Variants in ACTR8 observed in about 807,000 individuals in gnomAD.
ACTR8 encodes the protein actin related protein 8, also known as actin-related protein 8.
A neutral mutation model predicts 84.3 loss-of-function variants in ACTR8; 70 were observed. That is an observed-to-expected ratio of 0.83 (90% confidence interval 0.68 to 1.01). The LOEUF is 1.01. ACTR8 is among the 50% of genes least tolerant of loss of function. The pLI, the probability that ACTR8 is intolerant of heterozygous loss-of-function variation, is 0.00. For missense variants in ACTR8, 672 were observed against 775.4 expected (o/e 0.87, Z 1.58); for synonymous variants, 268 against 275.2 (o/e 0.97, Z 0.26).
rs775815203 is a variant in ACTR8 at position 53,870,179 on chromosome 3, T to G, written c.1568-34A>C. 2 of 1,601,818 alleles carry G rather than the reference T, an allele frequency of 1.2e-6. No homozygotes were observed. The highest frequency in any genetic ancestry group is 2.2e-5 in the South Asian group (2 of 90,462). On this transcript the variant is annotated intron_variant, in intron 11 of 12. Transcript: ENST00000335754. This position sits in a 1 kb window ranked among gnomAD's most constrained non-coding sequence, Gnocchi z 4.1. ...ACAGTTGACATCCTCCATGCTTTTT[T>G]CTCCACATCCATAATTCTAGGCCAA...
At position 53,874,289 on chromosome 3, in the gene ACTR8, G is replaced by A. The variant is rs957338260; in HGVS notation, c.987C>T (p.Tyr329=). The change falls in exon 8 of 13, where the codon TAC becomes TAT. Residue 329 remains tyrosine, a synonymous_variant. Transcript: ENST00000335754. The stretch of plus-strand genomic sequence containing the variant: ...TTTTATTTGTTAACTGGCATTCTCT[G>A]TAAGGGAACCCAGCTCGCTGCATTA... The part of the protein sequence containing the change: ...YWLMQRAGFP[Y]RECQLTNKMD... 7 of 1,614,196 alleles carry A rather than the reference G, an allele frequency of 4.3e-6. No homozygotes were observed. Among genetic ancestry groups the A allele is most frequent in the African/African-American group, 1.3e-5 (1 of 75,050 alleles).
At chr3:53,869,580 T>C (rs1475340793) in intron 12 of ACTR8, among the ~76,000 whole-genome samples, 1 of 152,206 alleles carries the variant, frequency 6.6e-6, no homozygotes, top group Non-Finnish European at 1.5e-5. Flanking sequence ...GGGTTTATCT[T>C]TCTTTTCAAG....
At chr3:53,859,183 A>G in the ACTR8 span, 1 of 164,996 alleles carries the variant, frequency 6.1e-6, no homozygotes. Flanking sequence ...TGATTCAATT[A>G]CCAGTCTCAG....
chr3:53,872,923 C>T (rs570008335), intron 9 of ACTR8, 109 bp downstream of exon 9: 17 of 866,276 alleles, frequency 2.0e-5, no homozygotes, highest in African/African-American at 1.8e-4. Context: ...AATCTACAAT[C>T]AGTTGACATT....
the ACTR8 span, chr3:53,860,382 A>AT: frequency 3.8e-6 from 2 of 528,622 alleles, no homozygotes; most frequent in South Asian, 3.1e-5. Flanking sequence ...ACAGAGACTG[A>AT]TACGAGCATG....
At chr3:53,874,902 G>GT (rs1699943413) in intron 7 of ACTR8, among the ~76,000 whole-genome samples, 1 of 152,176 alleles carries the variant, frequency 6.6e-6, no homozygotes, top group Admixed American at 6.5e-5. Flanking sequence ...TTTGCAAAAT[G>GT]TATCTGAGAA....
chr3:53,882,144 G>A lies in ACTR8; in HGVS notation c.-43C>T, dbSNP rs751252084. 16 of 1,545,784 alleles carry A rather than the reference G, an allele frequency of 1.0e-5. No homozygotes were observed. The South Asian group carries it at 1.4e-4, about 14-fold the overall frequency. ...ACCAACCTCTCGCCTCAGCGCTGCA[G>A]CCACGACTGCCGGGATGGAAGGGCC... On this transcript the variant is annotated 5_prime_UTR_variant, in exon 1 of 13. Transcript: ENST00000335754.
At chr3:53,871,658 A>G (rs973854690) in intron 10 of ACTR8, among the ~76,000 whole-genome samples, 162 bp from the exon 11 acceptor site, 2 of 152,230 alleles carry the variant, frequency 1.3e-5, no homozygotes, top group Non-Finnish European at 2.9e-5. Flanking sequence ...GGAATGAGAG[A>G]CGGTGCACAG....
At chr3:53,874,803 A>G (rs984622937) in intron 7 of ACTR8, among the ~76,000 whole-genome samples, 1 of 152,208 alleles carries the variant, frequency 6.6e-6, no homozygotes, top group African/African-American at 2.4e-5. Flanking sequence ...CAAGAAATGT[A>G]TGTTGAAAGG....
chr3:53,871,523 T>C (rs2107054493), intron 10 of ACTR8, 27 bp from the exon 11 acceptor site: 4 of 1,611,878 alleles, frequency 2.5e-6, no homozygotes, highest in Non-Finnish European at 3.4e-6. Context: ...CAATCAAGTA[T>C]GTGGTATTAC....
At chr3:53,868,964 T>C in intron 12 of ACTR8, 102 bp from the exon 13 acceptor site, 1 of 1,437,096 alleles carries the variant, frequency 7.0e-7, no homozygotes, top group Non-Finnish European at 9.4e-7. Flanking sequence ...AGTCAATACC[T>C]AGTAAGCCAG....
At chr3:53,875,248 G>A (rs1015718986) in intron 7 of ACTR8, among the ~76,000 whole-genome samples, 7 of 152,318 alleles carry the variant, frequency 4.6e-5, no homozygotes, top group African/African-American at 1.7e-4. Context: ...GGAGGCAGCA[G>A]ATGACCCTTT....
chr3:53,869,991 T>C lies in ACTR8; in HGVS notation c.1722A>G (p.Thr574=), dbSNP rs758761400. 8 of 1,614,064 alleles carry C rather than the reference T, an allele frequency of 5.0e-6. No individual in the cohort carries two copies. The highest frequency in any genetic ancestry group is 6.8e-6 in the Non-Finnish European group (8 of 1,180,022). ...CAATGAAACAACCTACCTTAGGCCT[T>C]GTGATCACATCCACATTTTCAATAA... is the stretch of plus-strand genomic sequence containing the variant. The part of the protein sequence containing the change: ...RRIIENVDVI[T]RPKDMDPRLI... Residue 574 remains threonine (T), a synonymous_variant, in exon 12 of 13, where the codon ACA becomes ACG. Coordinates refer to ENST00000335754, the MANE Select transcript of ACTR8 (RefSeq NM_022899.5).
At chr3:53,874,396 T>A (rs1699936197) in intron 7 of ACTR8, 32 bp from the exon 8 acceptor site, 1 of 1,602,042 alleles carries the variant, frequency 6.2e-7, no homozygotes, top group South Asian at 1.1e-5. Flanking sequence ...AGATGGTTAA[T>A]CTGTTGGTTA....
chr3:53,882,124 C>A lies in ACTR8; in HGVS notation c.-23G>T, dbSNP rs1700076420. 6 of 1,550,768 alleles carry A rather than the reference C, an allele frequency of 3.9e-6. No homozygotes were observed. Among genetic ancestry groups the A allele is most frequent in the Non-Finnish European group, 5.2e-6 (6 of 1,146,474 alleles). On this transcript the variant is annotated 5_prime_UTR_variant, in exon 1 of 13. Coordinates refer to ENST00000335754, the MANE Select transcript of ACTR8 (RefSeq NM_022899.5). Reference sequence around the variant, plus strand: ...CATTATGGCCGGAGACACCCACCAACCTCTCGCCTCAGCGCTGCAGCCACG... The same window carrying A: ...CATTATGGCCGGAGACACCCACCAAACTCTCGCCTCAGCGCTGCAGCCACG...
intron 11 of ACTR8, 194 bp downstream of exon 11, chr3:53,871,038 G>A (rs1401524456): frequency 2.8e-6 from 2 of 702,478 alleles, no homozygotes; most frequent in Non-Finnish European, 4.5e-6. Flanking sequence ...ACTTATTTTG[G>A]CCTCTTCCAC....
chr3:53,881,368 T>G (rs1250967844), intron 1 of ACTR8, among the ~76,000 whole-genome samples: 1 of 152,232 alleles, frequency 6.6e-6, no homozygotes, highest in Non-Finnish European at 1.5e-5. Flanking sequence ...ACATCTAAGG[T>G]CCTCTGCCAG....
At chr3:53,875,876 T>C in intron 7 of ACTR8, 72 bp downstream of exon 7, 1 of 1,568,998 alleles carries the variant, frequency 6.4e-7, no homozygotes, top group Non-Finnish European at 8.7e-7. Flanking sequence ...AACCTGTGAT[T>C]TCTTATTATT....
Position 53,878,535 on chromosome 3 carries a change from C to T in ACTR8, c.295-68G>A, listed in dbSNP as rs1285797254. 6 of 912,064 alleles carry T rather than the reference C, an allele frequency of 6.6e-6. No homozygotes were observed. The Admixed American group carries it at 1.1e-4, about 17-fold the overall frequency. 56.5% of individuals were successfully genotyped at this position (912,064 alleles called of 1,614,324 possible). The stretch of plus-strand genomic sequence containing the variant: ...AGAAGACAAAGCAATTCAAAAACTA[C>T]TAATTTAATCCAATCTTTGGAAATG... On this transcript the variant is annotated intron_variant, in intron 2 of 12. Transcript: ENST00000335754.
Sources: gnomAD v4.1 joint callset for allele counts (sites outside exome capture counted in the v4.1 genomes callset) on GRCh38, gnomAD v4.1.1 for gene constraint, Gnocchi (gnomAD v3.1) non-coding constraint, MANE v1.5 for transcripts, NCBI Gene and HGNC (gene_info 2026-07-23, HGNC 2026-07-21) for gene names.